The following MAML2 variants were observed in gnomAD, a reference collection of about 807,000 sequenced individuals.
MAML2 encodes mastermind-like protein 2.
A neutral mutation model predicts 96.1 loss-of-function variants in MAML2; 22 were observed. The ratio of observed to expected loss-of-function variants is 0.23; its 90% CI spans 0.16 to 0.33. The LOEUF is 0.33. Ranked by LOEUF, MAML2 falls within the 10% of genes least tolerant of loss-of-function variation. The pLI is 1.00. For synonymous variants in MAML2, 561 were observed against 521.3 expected (o/e 1.08, Z -1.04); for missense variants, 1,367 against 1,392.4 (o/e 0.98, Z 0.29).
intron 1 of MAML2, among the ~76,000 whole-genome samples, chr11:96,239,778 G>T (rs574370770): frequency 2.0e-4 from 31 of 152,288 alleles, no homozygotes; most frequent in African/African-American, 7.5e-4. Flanking sequence ...ATGAATGTTG[G>T]TCAATAATGT....
intron 1 of MAML2, among the ~76,000 whole-genome samples, chr11:96,131,372 T>C (rs1329480080): frequency 6.6e-6 from 1 of 152,104 alleles, no homozygotes; most frequent in Non-Finnish European, 1.5e-5. Context: ...ACAGAACAAC[T>C]AGACATAAGA....
At chr11:96,067,408 C>T (rs60481094) in intron 2 of MAML2, among the ~76,000 whole-genome samples, 2,453 of 152,258 alleles carry the variant, frequency 0.016, 48 homozygotes, top group African/African-American at 0.056. Flanking sequence ...TCCAAGCAAA[C>T]GTGTTTCTTG....
rs1591082084 is a variant in MAML2 at position 95,995,279 on chromosome 11, C to T, written c.2140-3556G>A. ...TTGGGAAATTACCTTCATCCTCCTACTTGAAGATGCCAGAAGATGGGTGGG... is the reference window on the plus strand; with the variant it reads ...TTGGGAAATTACCTTCATCCTCCTATTTGAAGATGCCAGAAGATGGGTGGG... On this transcript the variant is annotated intron_variant, in intron 2 of 4. Transcript: ENST00000524717. Among the ~76,000 whole-genome samples, 2 of 152,288 alleles carry T rather than the reference C, an allele frequency of 1.3e-5. 1 individual carries two copies. The highest frequency in any genetic ancestry group is 3.9e-4 in the East Asian group (2 of 5,190).
intron 1 of MAML2, among the ~76,000 whole-genome samples, chr11:96,154,275 C>G (rs1002564821): frequency 2.0e-5 from 3 of 152,166 alleles, no homozygotes; most frequent in African/African-American, 7.2e-5. Context: ...GCGGTAGCTA[C>G]TCTGGGGACA....
intron 2 of MAML2, among the ~76,000 whole-genome samples, chr11:96,027,043 C>A (rs1401983294): frequency 6.6e-6 from 1 of 152,076 alleles, no homozygotes; most frequent in African/African-American, 2.4e-5. Flanking sequence ...TGTTTTCCTA[C>A]CTACAGGAAG....
chr11:96,167,208 C>T (rs141262724), intron 1 of MAML2, among the ~76,000 whole-genome samples: 10 of 152,302 alleles, frequency 6.6e-5, no homozygotes, highest in African/African-American at 1.9e-4. Context: ...AATCTGGACA[C>T]TCGCTGCTCA....
intron 1 of MAML2, among the ~76,000 whole-genome samples, chr11:96,262,218 T>C (rs1862759539): frequency 6.6e-6 from 1 of 152,236 alleles, no homozygotes; most frequent in South Asian, 2.1e-4. Flanking sequence ...GTGTACGGTT[T>C]TTATGATAAA....
Position 96,242,743 on chromosome 11 carries a change from G to A in MAML2, c.513+98640C>T, listed in dbSNP as rs540676761. The stretch of plus-strand genomic sequence containing the variant: ...GCACTCAAGCACTGAAAAAGCAGGA[G>A]CATGATAAAGGGGAAAGGATCATAA... On this transcript the variant is annotated intron_variant, in intron 1 of 4. Transcript: ENST00000524717. Among the ~76,000 whole-genome samples, 6 of 152,224 alleles carry A rather than the reference G, an allele frequency of 3.9e-5. No individual in the cohort carries two copies. The South Asian group carries it at 1.0e-3, about 26-fold the overall frequency.
intron 1 of MAML2, among the ~76,000 whole-genome samples, chr11:96,291,452 C>T (rs1863208826): frequency 6.6e-6 from 1 of 152,064 alleles, no homozygotes. Flanking sequence ...TTATTCCTCC[C>T]TGCTTCTTAG....
At chr11:96,066,096 A>T (rs1176018440) in intron 2 of MAML2, among the ~76,000 whole-genome samples, 2 of 152,224 alleles carry the variant, frequency 1.3e-5, no homozygotes, top group African/African-American at 2.4e-5. Flanking sequence ...GAGCTCAACA[A>T]GCAGCCACAC....
intron 1 of MAML2, among the ~76,000 whole-genome samples, chr11:96,156,243 G>T (rs968992459): frequency 2.0e-5 from 3 of 152,184 alleles, no homozygotes; most frequent in Non-Finnish European, 2.9e-5. Flanking sequence ...AAGGACTGGA[G>T]ATGGCTCATG....
chr11:96,339,790 C>T (rs141284939), intron 1 of MAML2, among the ~76,000 whole-genome samples: 22 of 152,320 alleles, frequency 1.4e-4, no homozygotes, highest in East Asian at 9.7e-4. Flanking sequence ...TCCATTTGAG[C>T]GATTCTTTAC....
intron 2 of MAML2, among the ~76,000 whole-genome samples, chr11:96,037,211 A>C (rs935830359): frequency 1.1e-4 from 16 of 152,148 alleles, no homozygotes; most frequent in African/African-American, 3.4e-4. Context: ...ACAACAAAAA[A>C]AATAACTCTG....
At position 96,092,167 on chromosome 11, in the gene MAML2, TCTG is replaced by T. The variant is rs967268142; in HGVS notation, c.1861_1863del (p.Gln621del). 9.7e-6 allele frequency: 15 copies of T among 1,538,518 alleles called. No individual in the cohort carries two copies. Among genetic ancestry groups the T allele is most frequent in the Non-Finnish European group, 1.3e-5 (15 of 1,142,330 alleles). On this transcript the variant is annotated inframe_deletion, in exon 2 of 5. Coordinates refer to ENST00000524717, the MANE Select transcript of MAML2 (RefSeq NM_032427.4). This position sits in a 1 kb window ranked among gnomAD's most constrained non-coding sequence, Gnocchi z 4.1. ...TGCTGTTGTTGAGCTGAAATTGAAC[TCTG>T]CTGTTGCTGTTGCTGTTGCTGTTGC...
intron 1 of MAML2, among the ~76,000 whole-genome samples, chr11:96,294,492 A>G (rs955687754): frequency 6.6e-6 from 1 of 152,212 alleles, no homozygotes; most frequent in Non-Finnish European, 1.5e-5. Flanking sequence ...AATGATTGAC[A>G]TCTTGCTACA....
In MAML2 at chr11:96,092,550, CTCTGTGGGCTGAATG is replaced by C. The variant is rs1859741540; in HGVS notation, c.1466_1480del (p.Thr489_Gln493del). ...GCCAGCTACCCCAGGCATGGGGGAG[CTCTGTGGGCTGAATG>C]TCTGCTGACCAAAAGAAGGGCTGGG... On this transcript the variant is annotated inframe_deletion, in exon 2 of 5. Coordinates refer to ENST00000524717, the MANE Select transcript of MAML2 (RefSeq NM_032427.4). This position sits in a 1 kb window ranked among gnomAD's most constrained non-coding sequence, Gnocchi z 4.1. The C allele has an allele frequency of 6.2e-7, 1 of 1,602,298 alleles. No homozygotes were observed. Among genetic ancestry groups the C allele is most frequent in the Admixed American group, 1.7e-5 (1 of 59,594 alleles).
chr11:96,103,785 T>C (rs768532832), intron 1 of MAML2, among the ~76,000 whole-genome samples: 15 of 152,132 alleles, frequency 9.9e-5, no homozygotes, highest in African/African-American at 1.7e-4. Context: ...TGACCCCACA[T>C]CTCGCCTCTC....
chr11:96,091,781 A>G, intron 2 of MAML2, 111 bp downstream of exon 2: 1 of 1,422,386 alleles, frequency 7.0e-7, no homozygotes, highest in Non-Finnish European at 9.4e-7. Context: ...CAAGACCACT[A>G]CTGTCTTTGG....
intron 1 of MAML2, among the ~76,000 whole-genome samples, chr11:96,256,231 CA>C (rs1280569716): frequency 6.0e-5 from 9 of 151,130 alleles, no homozygotes; most frequent in African/African-American, 9.7e-5. Flanking sequence ...TTGGATGCCA[CA>C]AAAAAAAATT....
Sources: gnomAD v4.1 joint callset for allele counts (sites outside exome capture counted in the v4.1 genomes callset) on GRCh38, gnomAD v4.1.1 for gene constraint, Gnocchi (gnomAD v3.1) non-coding constraint, MANE v1.5 for transcripts, NCBI Gene and HGNC (gene_info 2026-07-23, HGNC 2026-07-21) for gene names.